Variants in RAPGEF5 observed in about 807,000 individuals in gnomAD.
RAPGEF5 encodes M-Ras-regulated GEF.
In RAPGEF5, 65 loss-of-function variants were observed where a neutral mutation model predicts 125.2. That is an observed-to-expected ratio of 0.52 (90% CI 0.43 to 0.64). The LOEUF (loss-of-function observed/expected upper bound fraction) is 0.64, where lower values mean the gene tolerates loss of function less well. RAPGEF5 is among the 30% of genes least tolerant of loss of function. RAPGEF5 has a pLI of 0.00. For synonymous variants in RAPGEF5, 391 were observed against 385.9 expected (o/e 1.01, Z -0.16); for missense variants, 958 against 1,048.1 (o/e 0.91, Z 1.19).
At chr7:22,254,763 C>T (rs1451164856) in intron 7 of RAPGEF5, among the ~76,000 whole-genome samples, 2 of 151,994 alleles carry the variant, frequency 1.3e-5, no homozygotes, top group Non-Finnish European at 2.9e-5. Context: ...TAAAATTGTT[C>T]CACCTCAGAT....
chr7:22,172,242 C>A (rs1465150058), intron 11 of RAPGEF5, among the ~76,000 whole-genome samples: 1 of 151,968 alleles, frequency 6.6e-6, no homozygotes, highest in East Asian at 1.9e-4. Flanking sequence ...CCTGCCTCAG[C>A]CTCTGGAGCA....
rs558053051 is a variant in RAPGEF5, at chr7:22,151,531, G to A, written c.1787-1027C>T. The stretch of plus-strand genomic sequence containing the variant: ...GGCTAGAGTGCACTAGTGTGATCTC[G>A]GCTCACCGCAACCTCTGCCTCCTCC... On this transcript the variant is annotated intron_variant, in intron 17 of 25. Transcript: ENST00000665637. Among the ~76,000 whole-genome samples the A allele has an allele frequency of 1.2e-4, 17 of 147,288 alleles. No homozygotes were observed. The South Asian group carries it at 2.8e-3, about 24-fold the overall frequency.
rs1188271802 is a variant in RAPGEF5, at chr7:22,170,852, G to A, written c.1205-3704C>T. On this transcript the variant is annotated intron_variant, in intron 11 of 25. Transcript: ENST00000665637. The stretch of plus-strand genomic sequence containing the variant: ...ATATTAATTAAAATAAAAACAATGA[G>A]GCTATATAAAAACAGCTCCAGTTGA... Among the ~76,000 whole-genome samples, 4 of 152,146 alleles carry A rather than the reference G, an allele frequency of 2.6e-5. No homozygotes were observed. The South Asian group carries it at 6.2e-4, about 24-fold the overall frequency.
intron 5 of RAPGEF5, among the ~76,000 whole-genome samples, chr7:22,303,299 T>C (rs1783255496): frequency 6.6e-6 from 1 of 152,218 alleles, no homozygotes; most frequent in Admixed American, 6.5e-5. Context: ...CCCCCAGAGA[T>C]AGTACCCTTG....
chr7:22,230,791 C>T, intron 8 of RAPGEF5, 55 bp downstream of exon 8: 1 of 1,468,526 alleles, frequency 6.8e-7, no homozygotes, highest in Non-Finnish European at 9.3e-7. Context: ...TGCACTGTCT[C>T]ACCACCCTCA....
intron 2 of RAPGEF5, among the ~76,000 whole-genome samples, chr7:22,316,350 TATAGATAGATAG>T (rs55885957): frequency 7.2e-4 from 105 of 145,122 alleles, no homozygotes; most frequent in South Asian, 1.3e-3. Flanking sequence ...GTATCTACTA[TATAGATAGATAG>T]ATAGATAGAT....
rs187051224 is a variant in RAPGEF5, at chr7:22,122,482, T to C, written c.2576A>G (p.Tyr859Cys). ...GTCAATGACATACAGGTGATTAACA[T>C]AGGACTTTAACTCTTGATGCTCTTT... ...SPKEHQELKS[Y>C]VNHLYVIDSQ... Residue 859 changes from tyrosine to cysteine, a missense_variant, in exon 26 of 26, where the codon TAT becomes TGT. Coordinates refer to ENST00000665637, the MANE Select transcript of RAPGEF5 (RefSeq NM_012294.5). The C allele has an allele frequency of 5.1e-5, 82 of 1,613,864 alleles. No homozygotes were observed. Among genetic ancestry groups the C allele is most frequent in the Middle Eastern group, 3.3e-4 (2 of 6,060 alleles).
At chr7:22,210,639 C>G (rs2128130368) in intron 9 of RAPGEF5, among the ~76,000 whole-genome samples, 1 of 152,288 alleles carries the variant, frequency 6.6e-6, no homozygotes, top group South Asian at 2.1e-4. Context: ...GCCCCTAATC[C>G]TTTACTCTGA....
intron 1 of RAPGEF5, among the ~76,000 whole-genome samples, chr7:22,331,424 A>G (rs1372802790): frequency 2.6e-5 from 4 of 152,174 alleles, no homozygotes. Context: ...GTGTCCTTGA[A>G]ATAAAAGGTC....
chr7:22,166,013 ATATC>A (rs1007884300), intron 12 of RAPGEF5, among the ~76,000 whole-genome samples: 6 of 148,400 alleles, frequency 4.0e-5, no homozygotes, highest in East Asian at 3.9e-4. Context: ...TATACACCAA[ATATC>A]TATCTATCTA....
intron 24 of RAPGEF5, among the ~76,000 whole-genome samples, chr7:22,125,935 G>A (rs1417374683): frequency 6.6e-6 from 1 of 152,260 alleles, no homozygotes; most frequent in Middle Eastern, 3.4e-3. Flanking sequence ...ATCACTTGAG[G>A]TCAGGAGTTT....
intron 8 of RAPGEF5, among the ~76,000 whole-genome samples, chr7:22,227,272 C>T (rs1212215174): frequency 6.6e-6 from 1 of 151,686 alleles, no homozygotes; most frequent in Non-Finnish European, 1.5e-5. Context: ...CGAATAATAT[C>T]AAACATAAAA....
chr7:22,302,552 T>A (rs1783234054), intron 5 of RAPGEF5, among the ~76,000 whole-genome samples: 1 of 152,074 alleles, frequency 6.6e-6, no homozygotes, highest in Non-Finnish European at 1.5e-5. Flanking sequence ...CCAGTGAGGA[T>A]GAAAAAATGC....
chr7:22,152,462 C>T (rs1029074680), intron 17 of RAPGEF5, among the ~76,000 whole-genome samples: 2 of 152,082 alleles, frequency 1.3e-5, no homozygotes, highest in African/African-American at 2.4e-5. Context: ...AACATTTTTC[C>T]CCTTATTTTC....
chr7:22,215,747 T>G (rs1785621735), intron 9 of RAPGEF5, among the ~76,000 whole-genome samples: 1 of 152,196 alleles, frequency 6.6e-6, no homozygotes. Context: ...TCTGGCCAAA[T>G]ATGTCGGTTT....
intron 5 of RAPGEF5, among the ~76,000 whole-genome samples, chr7:22,296,738 C>T (rs1270337873): frequency 6.6e-6 from 1 of 152,084 alleles, no homozygotes; most frequent in African/African-American, 2.4e-5. Flanking sequence ...CAGCAAGGCC[C>T]CAGATGTCAA....
In RAPGEF5 at chr7:22,119,193, ACT is replaced by A. The variant is rs1782500575; in HGVS notation, c.*3211_*3212del. Reference sequence around the variant, plus strand: ...CCAGGGATAAGAAGTCATCACTGGTACTCTCTCTTTCATGCCACGATTTCTCC... The same window carrying A: ...CCAGGGATAAGAAGTCATCACTGGTACTCTCTTTCATGCCACGATTTCTCC... On this transcript the variant is annotated 3_prime_UTR_variant, in exon 26 of 26. Transcript: ENST00000665637. The surrounding 1 kb of genome is among the most constrained non-coding windows in gnomAD (Gnocchi z 4.1). 2 of 151,972 alleles carry A rather than the reference ACT, an allele frequency of 1.3e-5. No individual in the cohort carries two copies. The highest frequency in any genetic ancestry group is 4.2e-4 in the South Asian group (2 of 4,814). 9.4% of individuals were successfully genotyped at this position (151,972 alleles called of 1,614,324 possible).
In RAPGEF5 at chr7:22,315,472, T is replaced by C. The variant is rs1368468948; in HGVS notation, c.287A>G (p.Tyr96Cys). ...PYLEHTPSQI[Y>C]GENSSCAGRA... Reference sequence around the variant, plus strand: ...TCCTGCACAAGAAGAATTCTCTCCATAAATCTAAATGGAAAAGACAGTCAC... The same window carrying C: ...TCCTGCACAAGAAGAATTCTCTCCACAAATCTAAATGGAAAAGACAGTCAC... Residue 96 changes from tyrosine (Y) to cysteine (C), a missense_variant, in exon 3 of 26, where the codon TAT (tyrosine) becomes TGT (cysteine). By Grantham distance (194) the Tyr-to-Cys change is radical. Transcript: ENST00000665637. The C allele has an allele frequency of 2.0e-6, 3 of 1,482,598 alleles. No individual in the cohort carries two copies. Among genetic ancestry groups the C allele is most frequent in the Non-Finnish European group, 2.7e-6 (3 of 1,119,288 alleles). The allele number at this position is 1,482,598 out of a possible 1,614,324, so 91.8% of individuals were successfully genotyped here. A position where few individuals can be genotyped will look rare whatever the true frequency, so the allele number is the denominator to read the frequency against.
intron 11 of RAPGEF5, among the ~76,000 whole-genome samples, chr7:22,189,921 C>T (rs181315818): frequency 2.6e-5 from 4 of 152,138 alleles, no homozygotes; most frequent in African/African-American, 4.8e-5. Context: ...AAATAAAGAC[C>T]CAAATGCCTG....
Sources: allele counts gnomAD v4.1 joint callset (sites outside exome capture counted in the v4.1 genomes callset), GRCh38; gene constraint gnomAD v4.1.1; non-coding constraint Gnocchi (gnomAD v3.1); transcripts MANE v1.5; gene names NCBI Gene and HGNC (gene_info 2026-07-23, HGNC 2026-07-21).